Variants in ACKR3 observed in about 807,000 individuals in gnomAD.
ACKR3 encodes the protein C-X-C chemokine receptor type 7.
A neutral mutation model predicts 22.4 loss-of-function variants in ACKR3; 6 were observed. The observed-to-expected ratio is 0.27, with a 90% CI of 0.15 to 0.53. ACKR3 has a LOEUF of 0.53. Ranked by LOEUF, ACKR3 falls within the 20% of genes least tolerant of loss-of-function variation. The probability of loss-of-function intolerance (pLI) is 0.96; values close to 1 mark genes in which losing one functional copy is unlikely to be tolerated. For synonymous variants in ACKR3, 209 were observed against 205.2 expected (o/e 1.02, Z -0.16); for missense variants, 396 against 475.2 (o/e 0.83, Z 1.55).
the ACKR3 span, among the ~76,000 whole-genome samples, chr2:236,551,158 C>T: frequency 6.6e-5 from 10 of 152,224 alleles, no homozygotes; most frequent in South Asian, 6.2e-4. Flanking sequence ...AGGAACCCGG[C>T]GAGCACCAGG....
At chr2:236,550,837 T>C in the ACKR3 span, among the ~76,000 whole-genome samples, 1 of 152,228 alleles carries the variant, frequency 6.6e-6, no homozygotes, top group African/African-American at 2.4e-5. The surrounding 1 kb of genome is among the most constrained non-coding windows in gnomAD (Gnocchi z 4.6). Flanking sequence ...TTATGTTTAT[T>C]GTTCATGAAA....
chr2:236,550,248 T>A, the ACKR3 span, among the ~76,000 whole-genome samples: 2 of 152,196 alleles, frequency 1.3e-5, no homozygotes, highest in Non-Finnish European at 2.9e-5. This position sits in a 1 kb window ranked among gnomAD's most constrained non-coding sequence, Gnocchi z 4.6. Context: ...CTGCCCCTGG[T>A]GTCCACTGGA....
chr2:236,542,041 A>G, the ACKR3 span, among the ~76,000 whole-genome samples: 53 of 152,304 alleles, frequency 3.5e-4, no homozygotes, highest in African/African-American at 1.2e-3. Context: ...AACAATCTAC[A>G]AATTCAGCTG....
chr2:236,560,614 C>T, the ACKR3 span, among the ~76,000 whole-genome samples: 47 of 152,146 alleles, frequency 3.1e-4, no homozygotes, highest in East Asian at 8.3e-3. Flanking sequence ...GCACATATTT[C>T]CCCCCATTCC....
the ACKR3 span, among the ~76,000 whole-genome samples, chr2:236,548,286 G>T: frequency 6.6e-6 from 1 of 152,052 alleles, no homozygotes; most frequent in African/African-American, 2.4e-5. The surrounding 1 kb of genome is among the most constrained non-coding windows in gnomAD (Gnocchi z 4.3). Flanking sequence ...TGAGGCCTAG[G>T]TTGAGAATGC....
At chr2:236,551,887 G>A in the ACKR3 span, among the ~76,000 whole-genome samples, 3 of 152,244 alleles carry the variant, frequency 2.0e-5, no homozygotes, top group East Asian at 1.9e-4. Flanking sequence ...CTGAGACAGC[G>A]TTGCCCTGGT....
In ACKR3 at chr2:236,581,030, G is replaced by A. The variant is rs750893666; in HGVS notation, c.565G>A (p.Ala189Thr). ...DTYYLKTVTS[A>T]SNNETYCRSF... ...CTACTACCTGAAGACCGTCACGTCT[G>A]CGTCCAACAATGAGACCTACTGCCG... Residue 189 changes from alanine (A) to threonine (T), a missense_variant, in exon 2 of 2, where the codon GCG becomes ACG. Transcript: ENST00000272928. The surrounding 1 kb of genome is among the most constrained non-coding windows in gnomAD (Gnocchi z 4.4). 3 of 1,614,172 alleles carry A rather than the reference G, an allele frequency of 1.9e-6. No homozygotes were observed. The highest frequency in any genetic ancestry group is 2.2e-5 in the South Asian group (2 of 91,080).
Position 236,580,464 on chromosome 2 carries a change from C to T in ACKR3, c.-2C>T, listed in dbSNP as rs1421300780. On this transcript the variant is annotated 5_prime_UTR_variant, in exon 2 of 2. In the 5' UTR this introduces an upstream ATG that the reference lacks. Transcript: ENST00000272928. ...GGTCATTTGATTGCCCGCCTCAGAA[C>T]GATGGATCTGCATCTCTTCGACTAC... 2.5e-6 allele frequency: 4 copies of T among 1,605,536 alleles called. No homozygotes were observed. In the South Asian group the frequency reaches 4.4e-5, roughly 18 times the overall value.
chr2:236,556,036 T>C, the ACKR3 span, among the ~76,000 whole-genome samples: 1 of 152,136 alleles, frequency 6.6e-6, no homozygotes, highest in Non-Finnish European at 1.5e-5. Context: ...CAATCTGCCA[T>C]GGGAGCCACA....
chr2:236,563,303 C>T (rs546274779), upstream of ACKR3, among the ~76,000 whole-genome samples: 19 of 152,270 alleles, frequency 1.2e-4, no homozygotes, highest in South Asian at 4.1e-4. Flanking sequence ...GCATCCGGCA[C>T]GCGCCAAGCA....
At chr2:236,554,728 G>A in the ACKR3 span, among the ~76,000 whole-genome samples, 69 of 152,328 alleles carry the variant, frequency 4.5e-4, no homozygotes, top group Non-Finnish European at 8.1e-4. Flanking sequence ...GAGCAGGTGC[G>A]AGCAGGGCAG....
chr2:236,558,583 A>G, the ACKR3 span, among the ~76,000 whole-genome samples: 1 of 152,204 alleles, frequency 6.6e-6, no homozygotes, highest in Non-Finnish European at 1.5e-5. Context: ...TTGTGGTTAC[A>G]TTGGGATAAA....
At chr2:236,554,501 G>A in the ACKR3 span, among the ~76,000 whole-genome samples, 3 of 152,278 alleles carry the variant, frequency 2.0e-5, no homozygotes, top group East Asian at 5.8e-4. Context: ...TGACCCCTAG[G>A]GCTGAGATAG....
In ACKR3 at chr2:236,581,215, C is replaced by A; in HGVS notation, c.750C>A (p.Ser250Arg). ...CCAGTGACCAGGAGAAGCACAGCAGCCGGAAGATCATCTTCTCCTACGTGG... is the reference window on the plus strand; with the variant it reads ...CCAGTGACCAGGAGAAGCACAGCAGACGGAAGATCATCTTCTCCTACGTGG... Reference protein sequence around the residue: ...SASSDQEKHSSRKIIFSYVVV... With the variant: ...SASSDQEKHSRRKIIFSYVVV... The change falls in exon 2 of 2, where the codon AGC becomes AGA. Residue 250 changes from serine (S) to arginine (R), a missense_variant. Physicochemically the swap from Ser to Arg is moderately radical, Grantham distance 110 (BLOSUM62 -1). Transcript: ENST00000272928. This position sits in a 1 kb window ranked among gnomAD's most constrained non-coding sequence, Gnocchi z 4.4. 6.2e-7 allele frequency: 1 copy of A among 1,614,024 alleles called. No individual in the cohort carries two copies.
Position 236,581,861 on chromosome 2 carries a change from T to G in ACKR3, c.*307T>G, listed in dbSNP as rs544747578. 1 of 244,714 alleles carries G rather than the reference T, an allele frequency of 4.1e-6. No homozygotes were observed. Among genetic ancestry groups the G allele is most frequent in the African/African-American group, 2.2e-5 (1 of 44,458 alleles). The allele number at this position is 244,714 out of a possible 1,614,324, so 15.2% of individuals were successfully genotyped here. Reference sequence around the variant, plus strand: ...GGATTTTCTGTGTTTCCTGAATTTTTTATATGGTGATTTGTATTTAAATTT... The same window carrying G: ...GGATTTTCTGTGTTTCCTGAATTTTGTATATGGTGATTTGTATTTAAATTT... On this transcript the variant is annotated 3_prime_UTR_variant, in exon 2 of 2. Coordinates refer to ENST00000272928, the MANE Select transcript of ACKR3 (RefSeq NM_020311.3). This position sits in a 1 kb window ranked among gnomAD's most constrained non-coding sequence, Gnocchi z 4.4.
chr2:236,547,634 C>G, the ACKR3 span, among the ~76,000 whole-genome samples: 3 of 152,164 alleles, frequency 2.0e-5, no homozygotes, highest in African/African-American at 7.2e-5. Context: ...AATTTTTGCA[C>G]TCATTCTTAA....
chr2:236,547,460 G>T, the ACKR3 span, among the ~76,000 whole-genome samples: 8,758 of 152,158 alleles, frequency 0.058, 767 homozygotes, highest in African/African-American at 0.19. Flanking sequence ...TGGATTTACC[G>T]ACAAGCAGAT....
the ACKR3 span, among the ~76,000 whole-genome samples, chr2:236,540,966 A>T: frequency 6.6e-6 from 1 of 152,222 alleles, no homozygotes; most frequent in Non-Finnish European, 1.5e-5. Context: ...GCAGAATCCA[A>T]GCCAAGACAA....
At chr2:236,548,383 G>A in the ACKR3 span, among the ~76,000 whole-genome samples, 3 of 152,084 alleles carry the variant, frequency 2.0e-5, no homozygotes, top group Admixed American at 6.5e-5. This position sits in a 1 kb window ranked among gnomAD's most constrained non-coding sequence, Gnocchi z 4.3. Flanking sequence ...AGATATTTTT[G>A]GACCACAAAG....
Sources: gnomAD v4.1 joint callset for allele counts (sites outside exome capture counted in the v4.1 genomes callset) on GRCh38, gnomAD v4.1.1 for gene constraint, Gnocchi (gnomAD v3.1) non-coding constraint, MANE v1.5 for transcripts, NCBI Gene and HGNC (gene_info 2026-07-23, HGNC 2026-07-21) for gene names.